Variants in MCC observed in about 807,000 individuals in gnomAD.
The protein encoded by MCC is colorectal mutant cancer protein.
MCC carries 90 observed loss-of-function variants against 116.2 expected under a neutral mutation model. The ratio of observed to expected loss-of-function variants is 0.77; its 90% CI spans 0.65 to 0.92. The LOEUF (loss-of-function observed/expected upper bound fraction) is 0.92, where lower values mean the gene tolerates loss of function less well. Ranked by LOEUF, MCC falls within the 40% of genes least tolerant of loss-of-function variation. The pLI is 0.00. For missense variants in MCC, 1,516 were observed against 1,312.2 expected (o/e 1.16, Z -2.40); for synonymous variants, 578 against 510.5 (o/e 1.13, Z -1.78).
chr5:113,372,722 C>G (rs764417209), intron 2 of MCC, among the ~76,000 whole-genome samples: 2 of 152,214 alleles, frequency 1.3e-5, no homozygotes, highest in African/African-American at 2.4e-5. Flanking sequence ...GACTGGGTCT[C>G]GCTTTGTCAC....
In MCC at chr5:113,172,122, C is replaced by A. The variant is rs116605993; in HGVS notation, c.628-20700G>T. 3.2e-3 allele frequency among the ~76,000 whole-genome samples: 488 copies of A among 152,240 alleles called. 7 individuals carry two copies. Among genetic ancestry groups the A allele is most frequent in the African/African-American group, 0.011 (463 of 41,540 alleles). ...CAGTGGAAGAGAAAAGAGACACATA[C>A]CAATGGACAGTTCATACCCAATAGA... is the stretch of plus-strand genomic sequence containing the variant. On this transcript the variant is annotated intron_variant, in intron 3 of 18. Coordinates refer to ENST00000408903, the MANE Select transcript of MCC (RefSeq NM_001085377.2).
intron 3 of MCC, chr5:113,323,041 T>A (rs899020722): frequency 6.6e-6 from 1 of 152,354 alleles, no homozygotes; most frequent in Non-Finnish European, 1.5e-5. Flanking sequence ...CCAGCTGCCC[T>A]GTCATGACGG....
At chr5:113,129,642 C>A (rs6859963) in intron 5 of MCC, among the ~76,000 whole-genome samples, 77,165 of 151,872 alleles carry the variant, frequency 0.51, 21,352 homozygotes, top group East Asian at 0.72. Flanking sequence ...AGGCAATACA[C>A]CAAAAAACAA....
intron 1 of MCC, among the ~76,000 whole-genome samples, chr5:113,476,144 A>G (rs1772228889): frequency 6.6e-6 from 1 of 152,246 alleles, no homozygotes; most frequent in South Asian, 2.1e-4. Flanking sequence ...CAGATTCAAC[A>G]CAATCCTTAT....
Position 113,023,255 on chromosome 5 carries a change from C to CT in MCC, c.*4046dup, listed in dbSNP as rs1750281026. The CT allele has an allele frequency of 2.0e-5, 3 of 152,346 alleles. 1 individual carries two copies. The highest frequency in any genetic ancestry group is 4.8e-5 in the African/African-American group (2 of 41,588). The allele number at this position is 152,346 out of a possible 1,614,324, so 9.4% of individuals were successfully genotyped here. A position where few individuals can be genotyped will look rare whatever the true frequency, so the allele number is the denominator to read the frequency against. The stretch of plus-strand genomic sequence containing the variant: ...ATAAGATTTGTAGGATGTGGATAAA[C>CT]TTTAAGAACTGGATAGTGAAGGCGT... On this transcript the variant is annotated 3_prime_UTR_variant, in exon 19 of 19. Transcript: ENST00000408903.
chr5:113,069,634 T>C (rs140945556), intron 12 of MCC, among the ~76,000 whole-genome samples: 1,774 of 152,338 alleles, frequency 0.012, 15 homozygotes, highest in South Asian at 0.052. Context: ...AGTGGCACGA[T>C]CTCAGCTCAC....
intron 18 of MCC, 120 bp downstream of exon 18, chr5:113,028,813 CT>C (rs1750754695): frequency 8.2e-7 from 1 of 1,220,300 alleles, no homozygotes; most frequent in African/African-American, 1.5e-5. Context: ...CACCCACTTT[CT>C]AGAGTTAGTT....
At chr5:113,438,908 G>T (rs772762268) in intron 1 of MCC, among the ~76,000 whole-genome samples, 3 of 152,210 alleles carry the variant, frequency 2.0e-5, no homozygotes. Flanking sequence ...TAAGCTTATG[G>T]GAGAGAAAAA....
rs555847901 is a variant in MCC, at chr5:113,129,379, T to C, written c.885-6553A>G. Among the ~76,000 whole-genome samples, 4 of 152,290 alleles carry C rather than the reference T, an allele frequency of 2.6e-5. No homozygotes were observed. In the South Asian group the frequency reaches 6.2e-4, roughly 24 times the overall value. On this transcript the variant is annotated intron_variant, in intron 5 of 18. Transcript: ENST00000408903. ...ACTGGATTTTTCATTTAAGAAATCATTGGTGATTTTCAAGAAAGGTGTTTC... is the reference window on the plus strand; with the variant it reads ...ACTGGATTTTTCATTTAAGAAATCACTGGTGATTTTCAAGAAAGGTGTTTC...
At chr5:113,153,919 C>A (rs1760027707) in intron 3 of MCC, among the ~76,000 whole-genome samples, 1 of 152,214 alleles carries the variant, frequency 6.6e-6, no homozygotes, top group South Asian at 2.1e-4. Flanking sequence ...CAGCTGAGCA[C>A]CAGGGCCAAG....
intron 17 of MCC, among the ~76,000 whole-genome samples, chr5:113,034,474 TGAG>T (rs1751185983): frequency 6.6e-6 from 1 of 151,638 alleles, no homozygotes; most frequent in Non-Finnish European, 1.5e-5. Flanking sequence ...AGAGTCCAAT[TGAG>T]GAGCTGCAGG....
chr5:113,326,116 A>G (rs2150372991), intron 3 of MCC, among the ~76,000 whole-genome samples: 1 of 152,328 alleles, frequency 6.6e-6, no homozygotes, highest in Non-Finnish European at 1.5e-5. Context: ...TGAATGTGAT[A>G]TGGTCTGAAT....
intron 6 of MCC, among the ~76,000 whole-genome samples, chr5:113,118,236 C>T (rs1202579496): frequency 6.6e-6 from 1 of 152,190 alleles, no homozygotes; most frequent in Non-Finnish European, 1.5e-5. Context: ...TCTCTTTTAA[C>T]GGCGAGCCTT....
At chr5:113,094,946 G>C (rs889387547) in intron 8 of MCC, among the ~76,000 whole-genome samples, 5 of 152,170 alleles carry the variant, frequency 3.3e-5, no homozygotes, top group African/African-American at 1.2e-4. Flanking sequence ...AGAGGTCAAA[G>C]AACCAGGGTT....
chr5:113,445,830 C>T (rs1236098694), intron 1 of MCC, among the ~76,000 whole-genome samples: 1 of 152,148 alleles, frequency 6.6e-6, no homozygotes, highest in South Asian at 2.1e-4. Flanking sequence ...AGAGGCATCA[C>T]ATTACCTGAC....
intron 4 of MCC, among the ~76,000 whole-genome samples, chr5:113,146,333 G>A (rs1274499521): frequency 2.8e-3 from 2 of 718 alleles, no homozygotes; most frequent in Non-Finnish European, 0.02. Context: ...TGCCATCAAG[G>A]CACTGAAGCT....
chr5:113,187,597 T>C (rs1159293151), intron 3 of MCC, among the ~76,000 whole-genome samples: 6 of 151,654 alleles, frequency 4.0e-5, no homozygotes, highest in Non-Finnish European at 7.4e-5. Flanking sequence ...CTACTAAAAA[T>C]ACAAAAAATT....
intron 3 of MCC, among the ~76,000 whole-genome samples, chr5:113,282,798 C>A (rs918860730): frequency 6.6e-6 from 1 of 152,150 alleles, no homozygotes; most frequent in African/African-American, 2.4e-5. Flanking sequence ...GGTTTAATCA[C>A]GATTAGAGTC....
At chr5:113,327,696 AC>A (rs1217999402) in intron 3 of MCC, among the ~76,000 whole-genome samples, 1 of 150,268 alleles carries the variant, frequency 6.7e-6, no homozygotes, top group Non-Finnish European at 1.5e-5. Flanking sequence ...TGAGGAGAAA[AC>A]AGAGCTGGAA....
Sources: gnomAD v4.1 joint callset for allele counts (sites outside exome capture counted in the v4.1 genomes callset) on GRCh38, gnomAD v4.1.1 for gene constraint, MANE v1.5 for transcripts, NCBI Gene and HGNC (gene_info 2026-07-23, HGNC 2026-07-21) for gene names.